The following TXNL1 variants were observed in gnomAD, a reference collection of about 807,000 sequenced individuals.
TXNL1 encodes the protein thioredoxin-like protein 1.
TXNL1 carries 14 observed loss-of-function variants against 35.5 expected under a neutral mutation model. The observed-to-expected ratio is 0.39, with a 90% CI of 0.26 to 0.62. The LOEUF (loss-of-function observed/expected upper bound fraction) is 0.62. Ranked by LOEUF, TXNL1 falls within the 20% of genes least tolerant of loss-of-function variation. TXNL1 has a pLI of 0.47. For synonymous variants in TXNL1, 110 were observed against 115.5 expected, an observed-to-expected ratio of 0.95 and a Z score of 0.31; for missense variants, 263 against 349.7, an observed-to-expected ratio of 0.75 and a Z score of 1.98.
intron 6 of TXNL1, among the ~76,000 whole-genome samples, chr18:56,613,912 A>G (rs1032835091): frequency 6.6e-6 from 1 of 152,138 alleles, no homozygotes; most frequent in Non-Finnish European, 1.5e-5. Flanking sequence ...GCATGCCTGT[A>G]ATCCCAGCTT....
intron 2 of TXNL1, chr18:56,626,095 C>T: frequency 1.2e-6 from 1 of 863,826 alleles, no homozygotes; most frequent in Non-Finnish European, 1.5e-6. Flanking sequence ...ATGTAATACA[C>T]AGAACTGCTA....
chr18:56,606,450 A>C (rs1027773175), intron 7 of TXNL1, among the ~76,000 whole-genome samples: 4 of 152,194 alleles, frequency 2.6e-5, no homozygotes, highest in African/African-American at 9.6e-5. Context: ...AAGTAAAAGA[A>C]AAGACATGCC....
Position 56,618,052 on chromosome 18 carries a change from G to C in TXNL1, c.444C>G (p.Asn148Lys), listed in dbSNP as rs1444226979. 1 of 1,613,926 alleles carries C rather than the reference G, an allele frequency of 6.2e-7. No individual in the cohort carries two copies. Residue 148 changes from asparagine to lysine, a missense_variant, in exon 4 of 8, where the codon AAC becomes AAG. Physicochemically the swap from Asn to Lys is moderately conservative, Grantham distance 94. Coordinates refer to ENST00000217515, the MANE Select transcript of TXNL1 (RefSeq NM_004786.3). ...LNESDEHGFD[N>K]CLRKDTTFLE... ...AGAAGGTTGTGTCTTTTCGTAAACAGTTGTCAAATCCATGCTCATCACTTT... is the reference window on the plus strand; with the variant it reads ...AGAAGGTTGTGTCTTTTCGTAAACACTTGTCAAATCCATGCTCATCACTTT...
In TXNL1 at chr18:56,614,317, A is replaced by G. The variant is rs573324837; in HGVS notation, c.735+107T>C. On this transcript the variant is annotated intron_variant, in intron 6 of 7. Coordinates refer to ENST00000217515, the MANE Select transcript of TXNL1 (RefSeq NM_004786.3). ...TAAACATTTTACTCATTTCAAACTG[A>G]GTGAATAAATACCACTTTAAAGAAT... 9 of 970,902 alleles carry G rather than the reference A, an allele frequency of 9.3e-6. No homozygotes were observed. The East Asian group carries it at 2.4e-4, about 25-fold the overall frequency. 60.1% of individuals were successfully genotyped at this position (970,902 alleles called of 1,614,324 possible).
intron 5 of TXNL1, 97 bp downstream of exon 5, chr18:56,616,148 A>T: frequency 8.9e-7 from 1 of 1,120,532 alleles, no homozygotes; most frequent in Non-Finnish European, 1.3e-6. Flanking sequence ...AAAAAAAAAG[A>T]AAAAACAAGT....
chr18:56,636,595 A>G (rs776052071), intron 1 of TXNL1, among the ~76,000 whole-genome samples: 65 of 152,070 alleles, frequency 4.3e-4, no homozygotes, highest in Non-Finnish European at 7.5e-4. Context: ...CCACTAAAAT[A>G]CCTTTTTAAA....
chr18:56,626,026 T>C (rs944103683), intron 2 of TXNL1: 2 of 230,600 alleles, frequency 8.7e-6, no homozygotes, highest in Non-Finnish European at 1.5e-5. Flanking sequence ...GCCACTGCTA[T>C]ATAATGCCAA....
intron 7 of TXNL1, chr18:56,608,541 A>C (rs1474858286): frequency 6.6e-6 from 1 of 152,226 alleles, no homozygotes; most frequent in African/African-American, 2.4e-5. Flanking sequence ...AGCAGTTCTC[A>C]AAGTGTGGTC....
intron 7 of TXNL1, among the ~76,000 whole-genome samples, chr18:56,604,017 T>A (rs2286984): frequency 0.61 from 92,979 of 151,936 alleles, 33,147 homozygotes; most frequent in Non-Finnish European, 0.78. Flanking sequence ...CATAGCTGGG[T>A]CAACATCATT....
intron 7 of TXNL1, 40 bp downstream of exon 7, chr18:56,610,953 A>G (rs756107667): frequency 3.1e-6 from 4 of 1,293,208 alleles, no homozygotes; most frequent in Non-Finnish European, 4.3e-6. Context: ...CATTAAAATT[A>G]TATTTTTACT....
intron 1 of TXNL1, among the ~76,000 whole-genome samples, chr18:56,634,189 G>A (rs185892812): frequency 9.9e-5 from 15 of 152,192 alleles, no homozygotes; most frequent in Admixed American, 7.9e-4. Flanking sequence ...AAGAATATCA[G>A]AGAGTGAAAT....
At chr18:56,633,912 A>C (rs1450640779) in intron 1 of TXNL1, among the ~76,000 whole-genome samples, 1 of 132,770 alleles carries the variant, frequency 7.5e-6, no homozygotes. Context: ...TGAACCTGGG[A>C]GGCAGAGGTT....
chr18:56,637,914 G>A (rs2024482307), intron 1 of TXNL1, among the ~76,000 whole-genome samples: 1 of 152,216 alleles, frequency 6.6e-6, no homozygotes, highest in Admixed American at 6.5e-5. Context: ...AGAGATGTAG[G>A]TGGTGAAGAG....
At chr18:56,615,775 T>C (rs1266626699) in intron 5 of TXNL1, among the ~76,000 whole-genome samples, 2 of 152,192 alleles carry the variant, frequency 1.3e-5, no homozygotes, top group African/African-American at 4.8e-5. Flanking sequence ...AAGTTCTCTT[T>C]CTTTCATACT....
intron 7 of TXNL1, chr18:56,610,404 T>A (rs667382): frequency 0.95 from 144,333 of 152,404 alleles, 68,848 homozygotes; most frequent in East Asian, 1. Flanking sequence ...AATTCTTTAC[T>A]AACCTTATAA....
intron 7 of TXNL1, 111 bp from the exon 8 acceptor site, chr18:56,603,167 C>T: frequency 4.1e-6 from 4 of 975,698 alleles, no homozygotes; most frequent in Non-Finnish European, 4.6e-6. Context: ...ATCCTTGGAT[C>T]TTTTCTGGCA....
chr18:56,626,168 C>G lies in TXNL1; in HGVS notation c.195+193G>C, dbSNP rs73499345. 902 of 1,304,336 alleles carry G rather than the reference C, an allele frequency of 6.9e-4. 8 individuals are homozygous for G. In the African/African-American group the frequency reaches 0.012, roughly 18 times the overall value. 80.8% of individuals were successfully genotyped at this position (1,304,336 alleles called of 1,614,324 possible). A position where few individuals can be genotyped will look rare whatever the true frequency, so the allele number is the denominator to read the frequency against. On this transcript the variant is annotated intron_variant, in intron 2 of 7. Transcript: ENST00000217515. ...GAAGGTGATTAATACAAACCTGAAG[C>G]AATTAATAATGTGCTACTCTTCTTA...
chr18:56,608,510 T>C (rs1038002987), intron 7 of TXNL1: 1 of 152,210 alleles, frequency 6.6e-6, no homozygotes, highest in South Asian at 2.1e-4. Context: ...GAGTAGATTA[T>C]GGTATTCAAA....
At position 56,602,037 on chromosome 18, in the gene TXNL1, T is replaced by C. The variant is rs2023816251; in HGVS notation, c.*990A>G. On this transcript the variant is annotated 3_prime_UTR_variant, in exon 8 of 8. Transcript: ENST00000217515. ...TTCCCTTTTTTTTTTGGAGACGGAG[T>C]TTTGCTCTTGTCGCTCAGGCTGGGG... is the stretch of plus-strand genomic sequence containing the variant. 1 of 151,094 alleles carries C rather than the reference T, an allele frequency of 6.6e-6. No individual in the cohort carries two copies. The highest frequency in any genetic ancestry group is 1.5e-5 in the Non-Finnish European group (1 of 67,834). 9.4% of individuals were successfully genotyped at this position (151,094 alleles called of 1,614,324 possible). A position where few individuals can be genotyped will look rare whatever the true frequency, so the allele number is the denominator to read the frequency against.
Sources: gnomAD v4.1 joint callset for allele counts (sites outside exome capture counted in the v4.1 genomes callset) on GRCh38, gnomAD v4.1.1 for gene constraint, MANE v1.5 for transcripts, NCBI Gene and HGNC (gene_info 2026-07-23, HGNC 2026-07-21) for gene names.